Variants in ADCY7 observed in about 807,000 individuals in gnomAD.
The protein encoded by ADCY7 is adenylate cyclase 7.
In ADCY7, 72 loss-of-function variants were observed where a neutral mutation model predicts 120.6. That is an observed-to-expected ratio of 0.60 (90% CI 0.49 to 0.73). The LOEUF is 0.73. Among genes scored for constraint, ADCY7 ranks in the 30% least tolerant of loss-of-function variants. The probability of loss-of-function intolerance (pLI) is 0.00; values close to 1 mark genes in which losing one functional copy is unlikely to be tolerated. For synonymous variants in ADCY7, 661 were observed against 628.0 expected (o/e 1.05, Z -0.78); for missense variants, 1,227 against 1,486.0 (o/e 0.83, Z 2.87).
Position 50,308,798 on chromosome 16 carries a change from T to C in ADCY7, c.2061+6T>C, listed in dbSNP as rs1195739920. The C allele has an allele frequency of 6.2e-7, 1 of 1,603,620 alleles. No homozygotes were observed. The highest frequency in any genetic ancestry group is 8.5e-7 in the Non-Finnish European group (1 of 1,175,674). On this transcript the variant is annotated splice_donor_region_variant and intron_variant, in intron 17 of 25. Transcript: ENST00000673801. ...CTGTGGCCATCATCAACCTGGTGGG[T>C]CCCGTGGTGGGGAGGCAGGCCTCCG...
chr16:50,269,147 C>T (rs1411614117), intron 1 of ADCY7, among the ~76,000 whole-genome samples: 1 of 152,248 alleles, frequency 6.6e-6, no homozygotes, highest in African/African-American at 2.4e-5. Context: ...CCATTCCCCA[C>T]CTCCTCCACC....
intron 1 of ADCY7, among the ~76,000 whole-genome samples, chr16:50,257,540 T>C (rs1727485200): frequency 6.6e-6 from 1 of 152,140 alleles, no homozygotes. Context: ...ATTGTATATA[T>C]GTAACGTCAC....
At chr16:50,311,951 G>GAC in intron 20 of ADCY7, 85 bp from the exon 21 acceptor site, 7 of 1,578,252 alleles carry the variant, frequency 4.4e-6, no homozygotes, top group Middle Eastern at 1.7e-4. Context: ...GGACGCCAGG[G>GAC]ACAGACAGAC....
chr16:50,295,113 G>C (rs1263507141), intron 7 of ADCY7, among the ~76,000 whole-genome samples: 2 of 152,164 alleles, frequency 1.3e-5, no homozygotes, highest in East Asian at 3.8e-4. Context: ...GGAATGCCCA[G>C]CCTCACCCAG....
chr16:50,291,962 GC>G, intron 4 of ADCY7, 65 bp downstream of exon 4: 1 of 1,517,492 alleles, frequency 6.6e-7, no homozygotes, highest in Middle Eastern at 2.4e-4. Context: ...AGATGGGGGG[GC>G]CCCCTCTGGG....
At chr16:50,314,126 A>C (rs1370258989) in intron 23 of ADCY7, 64 bp downstream of exon 23, 5 of 1,500,130 alleles carry the variant, frequency 3.3e-6, no homozygotes, top group Non-Finnish European at 3.7e-6. Flanking sequence ...CTGTCACCTT[A>C]CTTAAAGGGT....
intron 14 of ADCY7, 37 bp downstream of exon 14, chr16:50,305,886 G>A (rs762201995): frequency 1.9e-6 from 3 of 1,603,478 alleles, no homozygotes. Flanking sequence ...CAGAGGGACG[G>A]GGTCTCCAGG....
chr16:50,309,547 G>A lies in ADCY7; in HGVS notation c.2062-1G>A, dbSNP rs1286310921. ...CTGATGGGGACCTGTCTCCTCTACA[G>A]CCCCTGATGCCTTTCCAAGTTCCAG... is the stretch of plus-strand genomic sequence containing the variant. On this transcript the variant is annotated splice_acceptor_variant, in intron 17 of 25. Transcript: ENST00000673801. LOFTEE classifies it high-confidence loss of function. 2 of 1,613,758 alleles carry A rather than the reference G, an allele frequency of 1.2e-6. No homozygotes were observed. The highest frequency in any genetic ancestry group is 4.5e-5 in the East Asian group (2 of 44,876).
intron 1 of ADCY7, among the ~76,000 whole-genome samples, chr16:50,268,827 A>G (rs1274336563): frequency 6.6e-6 from 1 of 152,172 alleles, no homozygotes; most frequent in East Asian, 1.9e-4. Context: ...ACTTGAGCCC[A>G]GGGGTTCGAG....
At position 50,290,628 on chromosome 16, in the gene ADCY7, G is replaced by A. The variant is rs746614272; in HGVS notation, c.343G>A (p.Ala115Thr). Residue 115 changes from alanine (A) to threonine (T), a missense_variant, in exon 3 of 26, where the codon GCA (alanine) becomes ACA (threonine). Around this residue, in one of 5 missense-constraint regions of ADCY7, gnomAD observed 382 missense variants for 411.4 expected, o/e 0.93. Transcript: ENST00000673801. ...VALGYVLVFD[A>T]WTKAACAWEQ... ...GCTGGGCTATGTGCTGGTGTTCGAC[G>A]CATGGACAAAGGCGGCCTGTGCGTG... The A allele has an allele frequency of 3.1e-6, 5 of 1,613,898 alleles. No individual in the cohort carries two copies. The highest frequency in any genetic ancestry group is 2.2e-5 in the East Asian group (1 of 44,892).
Position 50,291,740 on chromosome 16 carries a change from CCTT to C in ADCY7, c.385_387del (p.Phe129del), listed in dbSNP as rs1427970206. 1 of 1,613,944 alleles carries C rather than the reference CCTT, an allele frequency of 6.2e-7. No homozygotes were observed. The highest frequency in any genetic ancestry group is 1.3e-5 in the African/African-American group (1 of 74,930). ...CTCACCAGGCTGCATCCACAGGTGCCCTTCTTCCTGTTCATTGTCTTCGTGGTG... is the reference window on the plus strand; with the variant it reads ...CTCACCAGGCTGCATCCACAGGTGCCCTTCCTGTTCATTGTCTTCGTGGTG... On this transcript the variant is annotated inframe_deletion, in exon 4 of 26. Transcript: ENST00000673801.
intron 8 of ADCY7, among the ~76,000 whole-genome samples, chr16:50,299,982 G>C (rs550145720): frequency 1.3e-5 from 2 of 152,286 alleles, no homozygotes; most frequent in East Asian, 1.9e-4. Flanking sequence ...CCAGGGATTG[G>C]GGGGGCATAG....
chr16:50,304,371 A>ACC lies in ADCY7; in HGVS notation c.1384_1385dup (p.Pro463ArgfsTer15). On this transcript the variant is annotated frameshift_variant, in exon 11 of 26. Coordinates refer to ENST00000673801, the MANE Select transcript of ADCY7 (RefSeq NM_001114.5). LOFTEE classifies it high-confidence loss of function. ...ATGTCTGCCCGCAGAGCCAGCAGCC[A>ACC]CCCCCGCCCAGCCAACACCTCCCCA... is the stretch of plus-strand genomic sequence containing the variant. The ACC allele has an allele frequency of 1.3e-6, 2 of 1,523,150 alleles. No homozygotes were observed. The highest frequency in any genetic ancestry group is 1.8e-6 in the Non-Finnish European group (2 of 1,132,470). The allele number at this position is 1,523,150 out of a possible 1,614,324, so 94.4% of individuals were successfully genotyped here.
intron 1 of ADCY7, among the ~76,000 whole-genome samples, chr16:50,286,429 C>CA (rs34686094): frequency 0.48 from 53,357 of 112,176 alleles, 12,528 homozygotes; most frequent in Middle Eastern, 0.57. Context: ...GACCCCATCT[C>CA]AAAAAAAAAA....
Position 50,288,013 on chromosome 16 carries a change from T to G in ADCY7, c.-167T>G. On this transcript the variant is annotated 5_prime_UTR_variant, in exon 2 of 26. Coordinates refer to ENST00000673801, the MANE Select transcript of ADCY7 (RefSeq NM_001114.5). ...GTGCCAGAGCTGTGCGGACCCCTTG[T>G]TGGCCATGGAGCAGCAGGCCCAGAG... 1 of 716,088 alleles carries G rather than the reference T, an allele frequency of 1.4e-6. No homozygotes were observed. The highest frequency in any genetic ancestry group is 2.9e-5 in the East Asian group (1 of 33,950). The allele number at this position is 716,088 out of a possible 1,614,324, so 44.4% of individuals were successfully genotyped here.
chr16:50,300,760 C>T lies in ADCY7; in HGVS notation c.1122C>T (p.Gly374=). ...GCGTGGACATCAACATGCGTGTGGG[C>T]ATACACTCGGGGAATGTGCTGTGCG... ...ATGVDINMRV[G]IHSGNVLCGV... Residue 374 remains glycine (G), a synonymous_variant, in exon 9 of 26, where the codon GGC becomes GGT. Transcript: ENST00000673801. 6.4e-7 allele frequency: 1 copy of T among 1,552,558 alleles called. No homozygotes were observed. The highest frequency in any genetic ancestry group is 8.7e-7 in the Non-Finnish European group (1 of 1,147,470).
chr16:50,253,667 C>T (rs896723157), intron 1 of ADCY7, among the ~76,000 whole-genome samples: 2 of 152,168 alleles, frequency 1.3e-5, no homozygotes, highest in African/African-American at 4.8e-5. Flanking sequence ...CCACTGCCCA[C>T]TCTTTTGTGG....
intron 24 of ADCY7, chr16:50,314,629 C>A: frequency 1.9e-6 from 1 of 523,574 alleles, no homozygotes; most frequent in Non-Finnish European, 3.4e-6. Context: ...AAATGGAGAA[C>A]CAAAATTATT....
At chr16:50,277,776 T>C (rs542370988) in intron 1 of ADCY7, among the ~76,000 whole-genome samples, 34 of 150,830 alleles carry the variant, frequency 2.3e-4, no homozygotes, top group Middle Eastern at 3.4e-3. Flanking sequence ...TTTCACGCCA[T>C]TATCCTGCCT....
Sources: gnomAD v4.1 joint callset for allele counts (sites outside exome capture counted in the v4.1 genomes callset) on GRCh38, gnomAD v4.1.1 for gene constraint, gnomAD v4.1.1 regional missense constraint, MANE v1.5 for transcripts, NCBI Gene and HGNC (gene_info 2026-07-23, HGNC 2026-07-21) for gene names.